VSTM5: variants seen among roughly 807,000 people sequenced by gnomAD.
VSTM5 encodes V-set and transmembrane domain-containing protein 5.
In VSTM5, 21 loss-of-function variants were observed where a neutral mutation model predicts 20.3. The observed-to-expected ratio is 1.03, with a 90% confidence interval of 0.73 to 1.49. The LOEUF (loss-of-function observed/expected upper bound fraction) is 1.49. VSTM5 is among the 40% of genes most tolerant of loss of function. The probability of loss-of-function intolerance (pLI) is 0.00; values close to 1 mark genes in which losing one functional copy is unlikely to be tolerated. For synonymous variants in VSTM5, 100 were observed against 102.5 expected, an observed-to-expected ratio of 0.98 and a Z score of 0.14; for missense variants, 219 against 250.0, an observed-to-expected ratio of 0.88 and a Z score of 0.84.
chr11:93,827,211 C>A (rs1234551541), intron 1 of VSTM5, among the ~76,000 whole-genome samples: 1 of 152,020 alleles, frequency 6.6e-6, no homozygotes, highest in Non-Finnish European at 1.5e-5. Flanking sequence ...TGGAGAAACC[C>A]CATCTCTACT....
At chr11:93,830,946 T>C (rs1289329920) in intron 1 of VSTM5, among the ~76,000 whole-genome samples, 2 of 151,906 alleles carry the variant, frequency 1.3e-5, no homozygotes, top group African/African-American at 4.8e-5. Context: ...TTTGTAGAGA[T>C]GGGGTTTTGC....
intron 1 of VSTM5, among the ~76,000 whole-genome samples, chr11:93,822,829 T>C (rs1464214741): frequency 2.0e-5 from 3 of 152,222 alleles, no homozygotes; most frequent in Non-Finnish European, 4.4e-5. Flanking sequence ...CACGTATCTA[T>C]GTTTCCTGAT....
At chr11:93,826,486 C>G (rs1337379242) in intron 1 of VSTM5, among the ~76,000 whole-genome samples, 2 of 151,994 alleles carry the variant, frequency 1.3e-5, no homozygotes, top group Admixed American at 1.3e-4. Context: ...CAAGCTCCAC[C>G]TCCCGGGTTC....
At chr11:93,820,658 G>A (rs776113952) in intron 3 of VSTM5, 46 bp from the exon 4 acceptor site, 2 of 1,551,612 alleles carry the variant, frequency 1.3e-6, no homozygotes, top group South Asian at 1.2e-5. Flanking sequence ...AAGCCACATA[G>A]TGCTTTCTTC....
intron 1 of VSTM5, among the ~76,000 whole-genome samples, chr11:93,836,459 C>T (rs1461499801): frequency 6.6e-6 from 1 of 152,218 alleles, no homozygotes; most frequent in Non-Finnish European, 1.5e-5. Context: ...CGCCCTCATA[C>T]CCTGAGATCC....
At chr11:93,827,392 A>G (rs937324483) in intron 1 of VSTM5, among the ~76,000 whole-genome samples, 4 of 152,184 alleles carry the variant, frequency 2.6e-5, no homozygotes, top group African/African-American at 9.7e-5. Context: ...CATAATAATA[A>G]TAATCTATAA....
intron 1 of VSTM5, among the ~76,000 whole-genome samples, chr11:93,846,597 TG>T (rs11323155): frequency 0.54 from 81,367 of 151,374 alleles, 22,902 homozygotes; most frequent in East Asian, 0.72. Context: ...TGTCCATCAG[TG>T]GGGTCTGGCT....
chr11:93,843,233 C>T (rs1944385288), intron 1 of VSTM5, among the ~76,000 whole-genome samples: 1 of 152,184 alleles, frequency 6.6e-6, no homozygotes, highest in Non-Finnish European at 1.5e-5. Flanking sequence ...GAAGCCTTCC[C>T]CAATCCCTAG....
chr11:93,844,865 T>G (rs2135740177), intron 1 of VSTM5, among the ~76,000 whole-genome samples: 1 of 66,734 alleles, frequency 1.5e-5, no homozygotes, highest in Admixed American at 1.3e-4. Context: ...TGGCAAGCTG[T>G]TCCAGGCACA....
intron 1 of VSTM5, among the ~76,000 whole-genome samples, chr11:93,841,622 A>G (rs1331348355): frequency 6.6e-6 from 1 of 152,164 alleles, no homozygotes; most frequent in Non-Finnish European, 1.5e-5. Flanking sequence ...CCAAAACTGT[A>G]CTTTTAGAAC....
At chr11:93,821,912 C>A (rs1944190039) in intron 1 of VSTM5, 1 of 152,320 alleles carries the variant, frequency 6.6e-6, no homozygotes, top group African/African-American at 2.4e-5. Flanking sequence ...AGTGAATGAC[C>A]AAATATTTAC....
At chr11:93,847,456 A>G (rs1022095465) in intron 1 of VSTM5, among the ~76,000 whole-genome samples, 6 of 152,288 alleles carry the variant, frequency 3.9e-5, no homozygotes, top group African/African-American at 1.4e-4. Context: ...CCTCAGCTTC[A>G]GATTCAGCCC....
At chr11:93,825,914 G>A (rs1405022730) in intron 1 of VSTM5, among the ~76,000 whole-genome samples, 1 of 150,952 alleles carries the variant, frequency 6.6e-6, no homozygotes, top group African/African-American at 2.4e-5. Context: ...TAGAAAAGAT[G>A]TACAAAACTA....
intron 1 of VSTM5, among the ~76,000 whole-genome samples, chr11:93,834,723 C>T (rs4372406): frequency 0.045 from 6,247 of 139,968 alleles, 419 homozygotes; most frequent in African/African-American, 0.16. Context: ...GTAGAGGTTG[C>T]AGTGAGCTGA....
chr11:93,827,546 A>G (rs1490044023), intron 1 of VSTM5: 1 of 152,178 alleles, frequency 6.6e-6, no homozygotes, highest in East Asian at 1.9e-4. Flanking sequence ...CAGCTGGGCC[A>G]ATATTCAGGC....
intron 1 of VSTM5, among the ~76,000 whole-genome samples, chr11:93,843,171 G>T (rs1944384895): frequency 1.3e-5 from 2 of 151,940 alleles, no homozygotes; most frequent in Non-Finnish European, 2.9e-5. Flanking sequence ...AAACTATTAG[G>T]CCAATTCCTC....
intron 1 of VSTM5, among the ~76,000 whole-genome samples, chr11:93,832,869 T>C (rs940535432): frequency 1.3e-5 from 2 of 152,200 alleles, no homozygotes; most frequent in African/African-American, 4.8e-5. Flanking sequence ...CAGATGCCCC[T>C]AATAAGGTAA....
At chr11:93,838,493 A>T (rs1229448239) in intron 1 of VSTM5, among the ~76,000 whole-genome samples, 2 of 151,448 alleles carry the variant, frequency 1.3e-5, no homozygotes, top group Non-Finnish European at 1.5e-5. Context: ...CAAAAAACAA[A>T]AACAAAAAAG....
chr11:93,831,852 CTGACCTGGGCCGTT>C (rs1291582070), intron 1 of VSTM5, among the ~76,000 whole-genome samples: 2 of 150,872 alleles, frequency 1.3e-5, no homozygotes, highest in Non-Finnish European at 2.9e-5. Flanking sequence ...GGAAAGTTGA[CTGACCTGGGCCGTT>C]ATCAGACTGG....
Sources: allele counts gnomAD v4.1 joint callset (sites outside exome capture counted in the v4.1 genomes callset), GRCh38; gene constraint gnomAD v4.1.1; transcripts MANE v1.5; gene names NCBI Gene and HGNC (gene_info 2026-07-23, HGNC 2026-07-21).